Variants in BMP5 observed in about 807,000 individuals in gnomAD.
BMP5 encodes bone morphogenetic protein 5.
Under a neutral mutation model 46.6 loss-of-function variants are expected in BMP5, and 23 were observed. The ratio of observed to expected loss-of-function variants is 0.49; its 90% CI spans 0.35 to 0.70. BMP5 has a LOEUF of 0.70. BMP5 is among the 30% of genes least tolerant of loss of function. BMP5 has a pLI of 0.00. For synonymous variants in BMP5, 204 were observed against 191.9 expected, an observed-to-expected ratio of 1.06 and a Z score of -0.52; for missense variants, 545 against 565.6, an observed-to-expected ratio of 0.96 and a Z score of 0.37.
intron 4 of BMP5, among the ~76,000 whole-genome samples, chr6:55,772,185 T>C (rs1775061875): frequency 6.6e-6 from 1 of 151,974 alleles, no homozygotes; most frequent in South Asian, 2.1e-4. Flanking sequence ...AATAATTTTG[T>C]ACTCTAAATG....
chr6:55,841,018 ACCAGCAGAG>A (rs1442269251), intron 1 of BMP5, among the ~76,000 whole-genome samples: 1 of 152,192 alleles, frequency 6.6e-6, no homozygotes. Context: ...CTCCTGTCAA[ACCAGCAGAG>A]CCATTAGGTT....
At chr6:55,847,143 T>C (rs995199123) in intron 1 of BMP5, among the ~76,000 whole-genome samples, 2 of 151,936 alleles carry the variant, frequency 1.3e-5, no homozygotes, top group African/African-American at 4.8e-5. Flanking sequence ...AGAGACTTGT[T>C]TGCCCAAGTT....
intron 1 of BMP5, among the ~76,000 whole-genome samples, chr6:55,841,887 A>C (rs1776967281): frequency 6.6e-6 from 1 of 151,336 alleles, no homozygotes; most frequent in African/African-American, 2.4e-5. Flanking sequence ...GGAGAGAACA[A>C]AGTTCAGCCC....
At chr6:55,760,098 G>A (rs1230173717) in intron 5 of BMP5, among the ~76,000 whole-genome samples, 1 of 151,856 alleles carries the variant, frequency 6.6e-6, no homozygotes, top group African/African-American at 2.4e-5. Flanking sequence ...TCCAATAGTT[G>A]GAGACCCTCA....
chr6:55,853,367 T>TCA (rs1337320544), intron 1 of BMP5, among the ~76,000 whole-genome samples: 10 of 140,588 alleles, frequency 7.1e-5, no homozygotes, highest in Non-Finnish European at 9.2e-5. Context: ...TCTCTCTGAC[T>TCA]CTCTTTCCTT....
chr6:55,764,417 C>A (rs1369015551), intron 4 of BMP5, among the ~76,000 whole-genome samples: 1 of 151,638 alleles, frequency 6.6e-6, no homozygotes, highest in Admixed American at 6.6e-5. Flanking sequence ...ACTAAAAATA[C>A]GAAAAATTAG....
chr6:55,776,472 A>G (rs1447349858), intron 3 of BMP5, among the ~76,000 whole-genome samples: 1 of 151,942 alleles, frequency 6.6e-6, no homozygotes, highest in Non-Finnish European at 1.5e-5. Context: ...GAACTGAGAA[A>G]CTTAACTGTT....
At chr6:55,807,270 A>G (rs1776013553) in intron 2 of BMP5, among the ~76,000 whole-genome samples, 1 of 152,318 alleles carries the variant, frequency 6.6e-6, no homozygotes, top group South Asian at 2.1e-4. Context: ...GAGAGTTTTT[A>G]ACATGAAGGG....
intron 1 of BMP5, among the ~76,000 whole-genome samples, chr6:55,856,904 A>G (rs1292073930): frequency 6.6e-6 from 1 of 152,102 alleles, no homozygotes; most frequent in Non-Finnish European, 1.5e-5. Context: ...ATTTTATGGA[A>G]AGATTTCACA....
chr6:55,766,252 T>A (rs937409229), intron 4 of BMP5, among the ~76,000 whole-genome samples: 5 of 151,794 alleles, frequency 3.3e-5, no homozygotes, highest in African/African-American at 1.2e-4. Flanking sequence ...ACATCTCTGA[T>A]TTTTTTTGGC....
chr6:55,781,108 C>A (rs1467699735), intron 3 of BMP5, among the ~76,000 whole-genome samples: 2 of 152,084 alleles, frequency 1.3e-5, no homozygotes, highest in Non-Finnish European at 2.9e-5. Context: ...TTATATATAG[C>A]ACCTTTCCCC....
intron 5 of BMP5, among the ~76,000 whole-genome samples, chr6:55,759,573 C>T (rs1774715151): frequency 6.6e-6 from 1 of 151,870 alleles, no homozygotes; most frequent in Non-Finnish European, 1.5e-5. Context: ...TTCTTAAGAA[C>T]TCATTCTTAG....
At chr6:55,762,277 G>C (rs1300903882) in intron 4 of BMP5, among the ~76,000 whole-genome samples, 1 of 152,098 alleles carries the variant, frequency 6.6e-6, no homozygotes, top group East Asian at 1.9e-4. Context: ...TACAGTTTTT[G>C]TTAAAGTGTC....
intron 2 of BMP5, among the ~76,000 whole-genome samples, chr6:55,797,614 CTT>C (rs60366569): frequency 1.0e-3 from 114 of 110,570 alleles, no homozygotes; most frequent in Middle Eastern, 6.4e-3. Context: ...ATTTTCTTTT[CTT>C]TTTTTTTTTT....
intron 1 of BMP5, among the ~76,000 whole-genome samples, chr6:55,851,221 C>A (rs1326541552): frequency 6.6e-6 from 1 of 150,640 alleles, no homozygotes; most frequent in African/African-American, 2.4e-5. Context: ...TCTCCCCATT[C>A]TAAGCAGCTA....
At chr6:55,774,864 C>A (rs1181777628) in intron 3 of BMP5, among the ~76,000 whole-genome samples, 1 of 151,920 alleles carries the variant, frequency 6.6e-6, no homozygotes, top group African/African-American at 2.4e-5. Flanking sequence ...GCAAAAACTG[C>A]AATTACCTTT....
At chr6:55,854,117 A>G (rs1427869547) in intron 1 of BMP5, among the ~76,000 whole-genome samples, 1 of 152,182 alleles carries the variant, frequency 6.6e-6, no homozygotes, top group Non-Finnish European at 1.5e-5. Flanking sequence ...AAAGGTTTCT[A>G]TGAATTTCTA....
At chr6:55,774,622 T>C (rs1775127003) in intron 3 of BMP5, among the ~76,000 whole-genome samples, 2 of 152,118 alleles carry the variant, frequency 1.3e-5, no homozygotes, top group South Asian at 4.1e-4. Context: ...TGCCCTGTAA[T>C]TTTCCTTTAA....
intron 1 of BMP5, among the ~76,000 whole-genome samples, chr6:55,853,777 G>T (rs757963432): frequency 6.6e-6 from 1 of 152,092 alleles, no homozygotes; most frequent in African/African-American, 2.4e-5. Context: ...AGTCAAACCC[G>T]ATACACATGG....
Sources: allele counts gnomAD v4.1 joint callset (sites outside exome capture counted in the v4.1 genomes callset), GRCh38; gene constraint gnomAD v4.1.1; transcripts MANE v1.5; gene names NCBI Gene and HGNC (gene_info 2026-07-23, HGNC 2026-07-21).